TAFA1: variants seen among roughly 807,000 people sequenced by gnomAD.
TAFA1 encodes TAFA chemokine like family member 1.
TAFA1 carries 4 observed loss-of-function variants against 18.5 expected under a neutral mutation model. The ratio of observed to expected loss-of-function variants is 0.22; its 90% CI spans 0.11 to 0.49. TAFA1 has a LOEUF of 0.49. TAFA1 is among the 20% of genes least tolerant of loss of function. The pLI is 0.98. For missense variants in TAFA1, 147 were observed against 169.0 expected (o/e 0.87, Z 0.72); for synonymous variants, 56 against 55.2 (o/e 1.01, Z -0.06).
chr3:68,068,703 G>A (rs546723465), intron 2 of TAFA1, among the ~76,000 whole-genome samples: 1 of 152,060 alleles, frequency 6.6e-6, no homozygotes, highest in African/African-American at 2.4e-5. Context: ...ATGTGTTATG[G>A]TTCTAGTAGC....
At chr3:68,527,484 A>G (rs953184731) in intron 3 of TAFA1, among the ~76,000 whole-genome samples, 3 of 152,182 alleles carry the variant, frequency 2.0e-5, no homozygotes, top group African/African-American at 7.2e-5. Flanking sequence ...ATCATAATAT[A>G]TACTTACTTG....
chr3:68,032,639 T>A (rs1243318514), intron 2 of TAFA1, among the ~76,000 whole-genome samples: 1 of 152,082 alleles, frequency 6.6e-6, no homozygotes, highest in Non-Finnish European at 1.5e-5. Flanking sequence ...CACTGCCTGG[T>A]TCCACTTCCC....
In TAFA1 at chr3:68,228,121, G is replaced by A. The variant is rs549664460; in HGVS notation, c.119-189159G>A. 3.9e-5 allele frequency among the ~76,000 whole-genome samples: 6 copies of A among 152,274 alleles called. 1 individual carries two copies. The South Asian group carries it at 1.2e-3, about 32-fold the overall frequency. On this transcript the variant is annotated intron_variant, in intron 2 of 4. Coordinates refer to ENST00000478136, the MANE Select transcript of TAFA1 (RefSeq NM_213609.4). ...ATCTGTGAAAACTGGGAGAATAAAA[G>A]TACTTACTCATTGAGTTATCATGAA...
intron 2 of TAFA1, among the ~76,000 whole-genome samples, chr3:68,232,194 A>G (rs1046612928): frequency 2.6e-5 from 4 of 152,158 alleles, no homozygotes; most frequent in Non-Finnish European, 1.5e-5. Flanking sequence ...GTATATGTTA[A>G]TCAACCTCTC....
At chr3:68,316,845 C>G (rs919474702) in intron 2 of TAFA1, among the ~76,000 whole-genome samples, 14 of 152,146 alleles carry the variant, frequency 9.2e-5, no homozygotes, top group Admixed American at 3.3e-4. Context: ...GTCTACTTTT[C>G]TAATATATGA....
At chr3:68,345,272 G>T (rs2069146728) in intron 2 of TAFA1, among the ~76,000 whole-genome samples, 1 of 152,106 alleles carries the variant, frequency 6.6e-6, no homozygotes, top group African/African-American at 2.4e-5. Context: ...GAGCAACCAG[G>T]GCCAGATCTA....
intron 2 of TAFA1, among the ~76,000 whole-genome samples, chr3:68,369,120 C>T (rs1575810149): frequency 6.6e-6 from 1 of 152,130 alleles, no homozygotes; most frequent in East Asian, 1.9e-4. Flanking sequence ...TAATATCAAC[C>T]TTTCATGCCT....
intron 2 of TAFA1, among the ~76,000 whole-genome samples, chr3:68,295,350 T>C (rs72626938): frequency 0.026 from 4,007 of 152,254 alleles, 90 homozygotes; most frequent in East Asian, 0.096. Context: ...GCAATTCTTT[T>C]TCATACTTTG....
At chr3:68,364,732 T>C (rs997528574) in intron 2 of TAFA1, among the ~76,000 whole-genome samples, 1 of 152,210 alleles carries the variant, frequency 6.6e-6, no homozygotes. Context: ...ATAACTAACA[T>C]TGAAATACTC....
the TAFA1 span, among the ~76,000 whole-genome samples, chr3:67,994,110 G>C: frequency 6.6e-6 from 1 of 152,178 alleles, no homozygotes; most frequent in African/African-American, 2.4e-5. Context: ...AGTTTTGGGT[G>C]TGTCTGTTGA....
At chr3:68,348,653 C>T (rs1348933426) in intron 2 of TAFA1, among the ~76,000 whole-genome samples, 5 of 152,084 alleles carry the variant, frequency 3.3e-5, no homozygotes, top group African/African-American at 7.2e-5. Context: ...CCTGAAACGC[C>T]AATAAATTGC....
intron 3 of TAFA1, among the ~76,000 whole-genome samples, chr3:68,512,034 C>G (rs2072854774): frequency 6.6e-6 from 1 of 151,938 alleles, no homozygotes; most frequent in Admixed American, 6.6e-5. Flanking sequence ...ATGATTATCC[C>G]TATCTAATAA....
intron 2 of TAFA1, among the ~76,000 whole-genome samples, chr3:68,088,349 A>ATT (rs2064995173): frequency 1.3e-5 from 2 of 152,148 alleles, no homozygotes; most frequent in South Asian, 2.1e-4. Context: ...TGGTTTTGAC[A>ATT]CATATAGAGG....
At position 68,297,457 on chromosome 3, in the gene TAFA1, C is replaced by A. The variant is rs553079203; in HGVS notation, c.119-119823C>A. On this transcript the variant is annotated intron_variant, in intron 2 of 4. Transcript: ENST00000478136. ...TTGATGACAGAGACACCACAGCTAC[C>A]CCCAACCCCAATTCCTAGAGATTCT... is the stretch of plus-strand genomic sequence containing the variant. 3.5e-3 allele frequency among the ~76,000 whole-genome samples: 534 copies of A among 152,244 alleles called. 2 individuals are homozygous for A. Among genetic ancestry groups the A allele is most frequent in the African/African-American group, 0.013 (520 of 41,556 alleles).
At chr3:68,463,574 A>G (rs2071825541) in intron 3 of TAFA1, among the ~76,000 whole-genome samples, 1 of 152,022 alleles carries the variant, frequency 6.6e-6, no homozygotes, top group African/African-American at 2.4e-5. Flanking sequence ...TGTTACTTAT[A>G]AACTCCCTTT....
intron 3 of TAFA1, among the ~76,000 whole-genome samples, chr3:68,453,711 A>G (rs1257640031): frequency 6.6e-6 from 1 of 152,172 alleles, no homozygotes; most frequent in Non-Finnish European, 1.5e-5. Context: ...GTGTTAGATA[A>G]TTTTTGAGGA....
intron 2 of TAFA1, among the ~76,000 whole-genome samples, chr3:68,029,529 T>C (rs930114294): frequency 3.3e-5 from 5 of 152,200 alleles, no homozygotes; most frequent in Admixed American, 6.5e-5. Context: ...GTTAAATAAA[T>C]CAGTAAAAAT....
intron 2 of TAFA1, among the ~76,000 whole-genome samples, chr3:68,020,498 G>T (rs2106795295): frequency 6.6e-6 from 1 of 152,162 alleles, no homozygotes; most frequent in African/African-American, 2.4e-5. Flanking sequence ...GACAATGTTT[G>T]TTCTACACTT....
At chr3:68,432,696 A>G (rs1386902495) in intron 3 of TAFA1, among the ~76,000 whole-genome samples, 2 of 152,060 alleles carry the variant, frequency 1.3e-5, no homozygotes, top group Non-Finnish European at 2.9e-5. Context: ...GCAGAAGTGA[A>G]GGTACTGAGG....
Sources: gnomAD v4.1 joint callset for allele counts (sites outside exome capture counted in the v4.1 genomes callset) on GRCh38, gnomAD v4.1.1 for gene constraint, MANE v1.5 for transcripts, NCBI Gene and HGNC (gene_info 2026-07-23, HGNC 2026-07-21) for gene names.